RIC8B: variants seen among roughly 807,000 people sequenced by gnomAD.
The protein encoded by RIC8B is RIC8 guanine nucleotide exchange factor B, also known as chaperone Ric-8B.
Under a neutral mutation model 57.5 loss-of-function variants are expected in RIC8B, and 16 were observed. The observed-to-expected ratio is 0.28, with a 90% CI of 0.19 to 0.42. RIC8B has a LOEUF of 0.42. Among genes scored for constraint, RIC8B ranks in the 10% least tolerant of loss-of-function variants. The probability of loss-of-function intolerance (pLI) is 1.00; values close to 1 mark genes in which losing one functional copy is unlikely to be tolerated. For missense variants in RIC8B, 481 were observed against 677.0 expected (o/e 0.71, Z 3.21); for synonymous variants, 216 against 250.8 (o/e 0.86, Z 1.31).
At chr12:106,835,790 G>T (rs1467726640) in intron 4 of RIC8B, among the ~76,000 whole-genome samples, 1 of 152,234 alleles carries the variant, frequency 6.6e-6, no homozygotes, top group African/African-American at 2.4e-5. Context: ...ACAGAAAAGA[G>T]AGTATGTCTA....
intron 4 of RIC8B, among the ~76,000 whole-genome samples, chr12:106,833,640 T>C (rs1200062635): frequency 2.0e-5 from 3 of 152,166 alleles, no homozygotes; most frequent in Non-Finnish European, 4.4e-5. Flanking sequence ...CAGAAGTTTT[T>C]CTTTATGTTC....
At chr12:106,851,889 T>C (rs1949490978) in intron 7 of RIC8B, among the ~76,000 whole-genome samples, 2 of 152,198 alleles carry the variant, frequency 1.3e-5, no homozygotes, top group Admixed American at 6.5e-5. Flanking sequence ...AGAGCCATTA[T>C]GAAAAATTGG....
intron 2 of RIC8B, among the ~76,000 whole-genome samples, chr12:106,789,167 C>T (rs900195413): frequency 4.6e-5 from 7 of 152,188 alleles, no homozygotes; most frequent in Admixed American, 2.6e-4. Context: ...TGACAAGAGT[C>T]ACCTTTGCTC....
At chr12:106,775,411 T>G (rs1593043570) in intron 1 of RIC8B, 1 of 455,572 alleles carries the variant, frequency 2.2e-6, no homozygotes, top group East Asian at 6.9e-5. Context: ...CCCAAGGTCA[T>G]GGACATATAA....
intron 2 of RIC8B, among the ~76,000 whole-genome samples, chr12:106,800,549 G>A (rs191126862): frequency 5.3e-5 from 8 of 152,222 alleles, no homozygotes; most frequent in African/African-American, 7.2e-5. Flanking sequence ...ATCACTGTTC[G>A]AAAGCCCCAT....
At position 106,811,214 on chromosome 12, in the gene RIC8B, G is replaced by A. The variant is rs147699083; in HGVS notation, c.133-3482G>A. On this transcript the variant is annotated intron_variant, in intron 2 of 9. Transcript: ENST00000392837. ...GCAGTGAAGGAGAAGTCAAGGTAAT[G>A]TGCTAATGGTTTTCAAGTCTGCCTG... Among the ~76,000 whole-genome samples the A allele has an allele frequency of 2.4e-3, 364 of 152,374 alleles. 1 individual carries two copies. Among genetic ancestry groups the A allele is most frequent in the Non-Finnish European group, 4.6e-3 (312 of 68,040 alleles).
intron 1 of RIC8B, among the ~76,000 whole-genome samples, chr12:106,783,473 G>A (rs1159123714): frequency 6.6e-6 from 1 of 152,156 alleles, no homozygotes; most frequent in African/African-American, 2.4e-5. Flanking sequence ...ATTTCTTATT[G>A]CATATGAAAA....
chr12:106,881,107 T>C lies in RIC8B; in HGVS notation c.1572-4797T>C, dbSNP rs146744737. Among the ~76,000 whole-genome samples, 298 of 152,280 alleles carry C rather than the reference T, an allele frequency of 2.0e-3. 3 individuals are homozygous for C. Among genetic ancestry groups the C allele is most frequent in the African/African-American group, 6.8e-3 (282 of 41,550 alleles). ...GCACTGTGCTAGACACATAGGGATA[T>C]GAAAATTGAGTAAAGCATAGACATT... is the stretch of plus-strand genomic sequence containing the variant. On this transcript the variant is annotated intron_variant, in intron 9 of 9. Transcript: ENST00000392837.
In RIC8B at chr12:106,889,270, A is replaced by G. The variant is rs1209939591; in HGVS notation, c.*3255A>G. On this transcript the variant is annotated 3_prime_UTR_variant, in exon 10 of 10. Coordinates refer to ENST00000392837, the MANE Select transcript of RIC8B (RefSeq NM_001330145.2). Reference sequence around the variant, plus strand: ...AGATTTGTATCCTGCTTTCTTTAACATATTGTGAGCATTTTCCCATGTCAA... The same window carrying G: ...AGATTTGTATCCTGCTTTCTTTAACGTATTGTGAGCATTTTCCCATGTCAA... The G allele has an allele frequency of 6.6e-6, 1 of 152,166 alleles. No homozygotes were observed. The highest frequency in any genetic ancestry group is 2.4e-5 in the African/African-American group (1 of 41,454). 9.4% of individuals were successfully genotyped at this position (152,166 alleles called of 1,614,324 possible). A position where few individuals can be genotyped will look rare whatever the true frequency, so the allele number is the denominator to read the frequency against.
chr12:106,868,230 A>C (rs1424117405), intron 8 of RIC8B: 1 of 451,138 alleles, frequency 2.2e-6, no homozygotes. Flanking sequence ...TTTTCCCTGA[A>C]GCATGTGATC....
chr12:106,844,320 G>T (rs557053132), intron 6 of RIC8B, among the ~76,000 whole-genome samples: 7 of 152,200 alleles, frequency 4.6e-5, no homozygotes, highest in Non-Finnish European at 8.8e-5. Context: ...GAACAAGGGA[G>T]GACCTCTCTG....
At chr12:106,873,600 T>C (rs768127078) in intron 9 of RIC8B, among the ~76,000 whole-genome samples, 16 of 152,226 alleles carry the variant, frequency 1.1e-4, no homozygotes, top group Non-Finnish European at 2.2e-4. Flanking sequence ...GCAGCTACTC[T>C]GTGCAAGGCA....
In RIC8B at chr12:106,814,740, A is replaced by G. The variant is rs766257474; in HGVS notation, c.177A>G (p.Pro59=). The G allele has an allele frequency of 1.9e-6, 3 of 1,613,430 alleles. No individual in the cohort carries two copies. Among genetic ancestry groups the G allele is most frequent in the Admixed American group, 1.7e-5 (1 of 59,890 alleles). The change falls in exon 3 of 10, where the codon CCA becomes CCG. Residue 59 remains proline, a synonymous_variant. Transcript: ENST00000392837. The part of the protein sequence containing the change: ...GIFKVLIKDI[P]TTCQVSCLEV... The stretch of plus-strand genomic sequence containing the variant: ...TTAAAGTCCTTATAAAGGACATCCC[A>G]ACAACATGTCAAGTGTCCTGCCTGG...
At position 106,796,137 on chromosome 12, in the gene RIC8B, A is replaced by T. The variant is rs547395085; in HGVS notation, c.132+12093A>T. On this transcript the variant is annotated intron_variant, in intron 2 of 9. Transcript: ENST00000392837. The stretch of plus-strand genomic sequence containing the variant: ...AGAAACCCAGGTGGCTTCCTTGTAG[A>T]AATTGACAAGCTAGTTCTAAAATTC... Among the ~76,000 whole-genome samples, 100 of 152,342 alleles carry T rather than the reference A, an allele frequency of 6.6e-4. No individual in the cohort carries two copies. In the South Asian group the frequency reaches 0.011, roughly 17 times the overall value.
chr12:106,774,864 AC>A, intron 1 of RIC8B, 35 bp downstream of exon 1: 4 of 1,486,084 alleles, frequency 2.7e-6, no homozygotes, highest in Non-Finnish European at 3.6e-6. Flanking sequence ...GCGGTATCGC[AC>A]CCCCGGGCCG....
Position 106,809,073 on chromosome 12 carries a change from A to G in RIC8B, c.133-5623A>G, listed in dbSNP as rs12579484. On this transcript the variant is annotated intron_variant, in intron 2 of 9. Coordinates refer to ENST00000392837, the MANE Select transcript of RIC8B (RefSeq NM_001330145.2). ...CGGTGTGGAGGGAAAAAAAGGCCTA[A>G]TAAAGTGACATGCTCAAAATCACAA... Among the ~76,000 whole-genome samples, 23 of 152,324 alleles carry G rather than the reference A, an allele frequency of 1.5e-4. No homozygotes were observed. The East Asian group carries it at 1.7e-3, about 12-fold the overall frequency.
chr12:106,792,108 A>G (rs1470326146), intron 2 of RIC8B, among the ~76,000 whole-genome samples: 1 of 152,182 alleles, frequency 6.6e-6, no homozygotes, highest in Non-Finnish European at 1.5e-5. Flanking sequence ...ATCTCTTTAA[A>G]ATAATTGCAC....
intron 1 of RIC8B, chr12:106,775,455 G>A (rs1555241200): frequency 2.3e-6 from 1 of 435,290 alleles, no homozygotes; most frequent in South Asian, 1.6e-5. Context: ...AACTCCTAAT[G>A]ATACCTGTTA....
rs950390001 is a variant in RIC8B at position 106,842,749 on chromosome 12, G to T, written c.997G>T (p.Val333Leu). 3 of 1,613,728 alleles carry T rather than the reference G, an allele frequency of 1.9e-6. No individual in the cohort carries two copies. The highest frequency in any genetic ancestry group is 2.5e-6 in the Non-Finnish European group (3 of 1,179,734). ...AACAGTTTTGAAAAACAATACCATGGTATACAATGGTATGAATATGGAGGC... is the reference window on the plus strand; with the variant it reads ...AACAGTTTTGAAAAACAATACCATGTTATACAATGGTATGAATATGGAGGC... ...KETVLKNNTM[V>L]YNGMNMEAIH... Residue 333 changes from valine (V) to leucine (L), a missense_variant, in exon 5 of 10, where the codon GTA becomes TTA. By Grantham distance (32) the Val-to-Leu change is conservative. Around this residue, in one of 3 missense-constraint regions of RIC8B, gnomAD observed 421 missense variants for 560.9 expected, o/e 0.75. Transcript: ENST00000392837.
Sources: allele counts gnomAD v4.1 joint callset (sites outside exome capture counted in the v4.1 genomes callset), GRCh38; gene constraint gnomAD v4.1.1; regional missense constraint gnomAD v4.1.1; transcripts MANE v1.5; gene names NCBI Gene and HGNC (gene_info 2026-07-23, HGNC 2026-07-21).